FAM13A: variants seen among roughly 807,000 people sequenced by gnomAD.
FAM13A encodes the protein protein FAM13A.
FAM13A carries 76 observed loss-of-function variants against 129.6 expected under a neutral mutation model. The ratio of observed to expected loss-of-function variants is 0.59; its 90% CI spans 0.49 to 0.71. The LOEUF is 0.71. Ranked by LOEUF, FAM13A falls within the 30% of genes least tolerant of loss-of-function variation. The pLI, the probability that FAM13A is intolerant of heterozygous loss-of-function variation, is 0.00. For missense variants in FAM13A, 1,108 were observed against 1,249.3 expected (o/e 0.89, Z 1.70); for synonymous variants, 443 against 449.9 (o/e 0.98, Z 0.20).
At chr4:88,957,047 C>T (rs114692622) in intron 4 of FAM13A, among the ~76,000 whole-genome samples, 7,540 of 152,156 alleles carry the variant, frequency 0.05, 290 homozygotes, top group South Asian at 0.23. Flanking sequence ...GTGTGTGGGT[C>T]GGGTGCAGTG....
rs181924056 is a variant in FAM13A, at chr4:88,766,912, G to A, written c.1578+641C>T. Among the ~76,000 whole-genome samples the A allele has an allele frequency of 1.1e-4, 16 of 152,308 alleles. No individual in the cohort carries two copies. The East Asian group carries it at 3.1e-3, about 29-fold the overall frequency. ...TGGAAGTATTTGGAGGTAGCAGATT[G>A]CATACACATACATGAATTAAAAATG... On this transcript the variant is annotated intron_variant, in intron 13 of 23. Coordinates refer to ENST00000264344, the MANE Select transcript of FAM13A (RefSeq NM_014883.4).
At chr4:88,977,873 A>T (rs1459659238) in intron 4 of FAM13A, among the ~76,000 whole-genome samples, 2 of 152,186 alleles carry the variant, frequency 1.3e-5, no homozygotes, top group African/African-American at 2.4e-5. Flanking sequence ...ATAAAACATC[A>T]TGAGTTCCAG....
chr4:89,004,669 C>G (rs1197973765), intron 3 of FAM13A, among the ~76,000 whole-genome samples: 1 of 152,018 alleles, frequency 6.6e-6, no homozygotes, highest in African/African-American at 2.4e-5. Context: ...CTAAGGAGAC[C>G]AATTTTAAGC....
intron 7 of FAM13A, among the ~76,000 whole-genome samples, chr4:88,822,107 A>G (rs2149834651): frequency 6.6e-6 from 1 of 152,250 alleles, no homozygotes; most frequent in South Asian, 2.1e-4. Flanking sequence ...AAAACCTTCT[A>G]TAGTTTTCCT....
intron 19 of FAM13A, among the ~76,000 whole-genome samples, chr4:88,745,172 T>A (rs1741057203): frequency 6.6e-6 from 1 of 152,150 alleles, no homozygotes; most frequent in Non-Finnish European, 1.5e-5. Context: ...AACGTCTGTG[T>A]GTGTGTGTGT....
chr4:88,804,921 T>C (rs952609498), intron 8 of FAM13A, 90 bp downstream of exon 8: 3 of 742,128 alleles, frequency 4.0e-6, no homozygotes, highest in African/African-American at 1.8e-5. Flanking sequence ...GAATGTTCTA[T>C]TGAAAGAGAT....
At chr4:89,039,786 CA>C (rs1553929475) in intron 1 of FAM13A, among the ~76,000 whole-genome samples, 1 of 151,396 alleles carries the variant, frequency 6.6e-6, no homozygotes, top group Non-Finnish European at 1.5e-5. Context: ...CCATCTCTAC[CA>C]AAAAAAATTT....
chr4:88,974,589 G>A (rs1760646171), intron 4 of FAM13A, among the ~76,000 whole-genome samples: 1 of 152,084 alleles, frequency 6.6e-6, no homozygotes. Flanking sequence ...GCAATTCTCT[G>A]CCTCAGCCTC....
intron 13 of FAM13A, among the ~76,000 whole-genome samples, chr4:88,764,729 G>A (rs1745415812): frequency 6.6e-6 from 1 of 152,136 alleles, no homozygotes; most frequent in African/African-American, 2.4e-5. Flanking sequence ...ACATTGCCCA[G>A]ATAGGATATT....
At chr4:88,910,956 T>G (rs1230534574) in intron 5 of FAM13A, among the ~76,000 whole-genome samples, 1 of 152,186 alleles carries the variant, frequency 6.6e-6, no homozygotes, top group Non-Finnish European at 1.5e-5. Flanking sequence ...CTGCTTTTAA[T>G]TCTTTATTGT....
intron 6 of FAM13A, among the ~76,000 whole-genome samples, chr4:88,862,017 T>A (rs1199965239): frequency 6.6e-6 from 1 of 152,180 alleles, no homozygotes; most frequent in African/African-American, 2.4e-5. Flanking sequence ...CTCATATTTT[T>A]AAAAACATTC....
chr4:88,857,741 T>C (rs556957308), intron 6 of FAM13A, among the ~76,000 whole-genome samples: 2 of 151,256 alleles, frequency 1.3e-5, no homozygotes, highest in South Asian at 4.2e-4. Flanking sequence ...TTTCCTCAAC[T>C]CTGCCCCTCT....
At chr4:89,016,021 G>A (rs571007463) in intron 3 of FAM13A, among the ~76,000 whole-genome samples, 3 of 151,858 alleles carry the variant, frequency 2.0e-5, no homozygotes, top group Admixed American at 6.6e-5. Flanking sequence ...CAGGTACTAC[G>A]GGAAGTATTC....
chr4:89,034,429 G>GT (rs1769095344), intron 1 of FAM13A, among the ~76,000 whole-genome samples: 1 of 152,172 alleles, frequency 6.6e-6, no homozygotes, highest in Non-Finnish European at 1.5e-5. Flanking sequence ...AACAACAGAT[G>GT]TTGTCAGGGT....
intron 14 of FAM13A, among the ~76,000 whole-genome samples, chr4:88,757,085 T>C (rs966640261): frequency 4.9e-4 from 58 of 119,240 alleles, no homozygotes; most frequent in African/African-American, 1.5e-3. Flanking sequence ...TAAAATGAAA[T>C]GCTGGTTCCT....
intron 10 of FAM13A, among the ~76,000 whole-genome samples, chr4:88,782,172 G>C (rs1474685050): frequency 6.6e-6 from 1 of 151,984 alleles, no homozygotes; most frequent in Non-Finnish European, 1.5e-5. Context: ...TCATGACATA[G>C]TTGTAGAAGT....
intron 6 of FAM13A, among the ~76,000 whole-genome samples, chr4:88,880,419 G>A (rs1458510761): frequency 6.6e-6 from 1 of 152,126 alleles, no homozygotes; most frequent in Non-Finnish European, 1.5e-5. Flanking sequence ...GAAGCAGCAG[G>A]AAGAGCTCTG....
At chr4:88,810,774 T>C (rs1434042471) in intron 7 of FAM13A, among the ~76,000 whole-genome samples, 1 of 152,162 alleles carries the variant, frequency 6.6e-6, no homozygotes, top group African/African-American at 2.4e-5. Context: ...CGAGATACAA[T>C]ATTTTTTTAA....
intron 11 of FAM13A, among the ~76,000 whole-genome samples, chr4:88,772,160 G>A (rs1720799009): frequency 6.6e-6 from 1 of 152,114 alleles, no homozygotes; most frequent in Non-Finnish European, 1.5e-5. Context: ...CAATCTGAAG[G>A]CTACAGGAAT....
Sources: allele counts gnomAD v4.1 joint callset (sites outside exome capture counted in the v4.1 genomes callset), GRCh38; gene constraint gnomAD v4.1.1; transcripts MANE v1.5; gene names NCBI Gene and HGNC (gene_info 2026-07-23, HGNC 2026-07-21).